Variants in INAVA observed in about 807,000 individuals in gnomAD.
INAVA encodes the protein innate immunity activator, also known as innate immunity activator protein.
Under a neutral mutation model 55.3 loss-of-function variants are expected in INAVA, and 32 were observed. The observed-to-expected ratio is 0.58, with a 90% CI of 0.44 to 0.78. INAVA has a LOEUF of 0.78. Among genes scored for constraint, INAVA ranks in the 30% least tolerant of loss-of-function variants. The pLI is 0.00. For synonymous variants in INAVA, 294 were observed against 329.4 expected (o/e 0.89, Z 1.16); for missense variants, 756 against 786.4 (o/e 0.96, Z 0.46).
chr1:200,898,503 C>CCTGGGA, intron 2 of INAVA, 48 bp downstream of exon 2: 2 of 1,597,428 alleles, frequency 1.3e-6, no homozygotes, highest in Non-Finnish European at 8.5e-7. Flanking sequence ...GTCCCTGGTC[C>CCTGGGA]CTGGTCCCTG....
chr1:200,907,940 C>G, intron 6 of INAVA, 53 bp downstream of exon 6: 1 of 1,493,182 alleles, frequency 6.7e-7, no homozygotes, highest in Non-Finnish European at 9.3e-7. Context: ...TACTGCAAGA[C>G]CATGGGGTTT....
chr1:200,905,978 A>G (rs999744370), intron 5 of INAVA, among the ~76,000 whole-genome samples: 1 of 152,176 alleles, frequency 6.6e-6, no homozygotes, highest in African/African-American at 2.4e-5. Context: ...TGAATGTATA[A>G]CCTAAACCAC....
upstream of INAVA, chr1:200,891,693 A>C (rs1175089038): frequency 6.1e-6 from 9 of 1,476,772 alleles, no homozygotes; most frequent in Non-Finnish European, 7.2e-6. Context: ...CCAGAGCTCC[A>C]TGGGACAGGT....
At chr1:200,912,903 G>A (rs558559492) in intron 9 of INAVA, among the ~76,000 whole-genome samples, 1 of 152,280 alleles carries the variant, frequency 6.6e-6, no homozygotes, top group East Asian at 1.9e-4. Flanking sequence ...AGAGCACCCT[G>A]ACACTGGGTA....
chr1:200,908,492 G>A (rs1460225859), intron 6 of INAVA: 1 of 431,910 alleles, frequency 2.3e-6, no homozygotes. Flanking sequence ...GCCCAAGAGA[G>A]TCAATCTGGG....
At chr1:200,911,326 T>C (rs1653711116) in intron 8 of INAVA, 127 bp from the exon 9 acceptor site, 2 of 908,686 alleles carry the variant, frequency 2.2e-6, no homozygotes, top group Non-Finnish European at 3.5e-6. Flanking sequence ...CTAAGACCCT[T>C]GCACGAGGGC....
chr1:200,912,820 G>A lies in INAVA; in HGVS notation c.1644+683G>A, dbSNP rs376544594. On this transcript the variant is annotated intron_variant, in intron 9 of 9. Coordinates refer to ENST00000413687, the MANE Select transcript of INAVA (RefSeq NM_001142569.3). ...ATGATTAGAGCAATGCATGGTAAGC[G>A]CTAGATATGTGATATTATTATCATC... 3.9e-5 allele frequency among the ~76,000 whole-genome samples: 6 copies of A among 152,130 alleles called. No individual in the cohort carries two copies. In the East Asian group the frequency reaches 1.2e-3, roughly 29 times the overall value.
upstream of INAVA, among the ~76,000 whole-genome samples, chr1:200,893,554 C>T (rs1173692762): frequency 6.6e-6 from 1 of 152,172 alleles, no homozygotes. Flanking sequence ...AAGGGCAGGG[C>T]TGCAGGCTCT....
At chr1:200,895,345 G>GTCCAA (rs1485621922) in intron 1 of INAVA, among the ~76,000 whole-genome samples, 1 of 152,004 alleles carries the variant, frequency 6.6e-6, no homozygotes, top group Non-Finnish European at 1.5e-5. Flanking sequence ...TGGCTTTGGG[G>GTCCAA]GACACACTTG....
intron 6 of INAVA, chr1:200,908,501 G>A: frequency 2.3e-6 from 1 of 440,482 alleles, no homozygotes; most frequent in Middle Eastern, 6.0e-4. Context: ...AGTCAATCTG[G>A]GAGGCTTCTT....
intron 1 of INAVA, among the ~76,000 whole-genome samples, chr1:200,895,347 A>T (rs1370832605): frequency 6.6e-6 from 1 of 151,702 alleles, no homozygotes; most frequent in Admixed American, 6.6e-5. Context: ...GCTTTGGGGG[A>T]CACACTTGGG....
At chr1:200,894,849 G>T (rs1372966297), upstream of INAVA, 3 of 985,442 alleles carry the variant, frequency 3.0e-6, no homozygotes, top group Non-Finnish European at 3.6e-6. Context: ...TTGCTCACCT[G>T]CTCCTCCCCT....
rs1351833095 is a variant in INAVA, at chr1:200,911,988, G to T, written c.1495G>T (p.Ala499Ser). Residue 499 changes from alanine (A) to serine (S), a missense_variant, in exon 9 of 10, where the codon GCC (alanine) becomes TCC (serine). Physicochemically the swap from Ala to Ser is moderately conservative, Grantham distance 99. Transcript: ENST00000413687. Reference sequence around the variant, plus strand: ...GGCAGGCCGGGGGCTCAGCAAGGCCGCCGTGTCCGAGGAGCTCAAGTGGTG... The same window carrying T: ...GGCAGGCCGGGGGCTCAGCAAGGCCTCCGTGTCCGAGGAGCTCAAGTGGTG... ...SPAGRGLSKA[A>S]VSEELKWWHE... 3 of 1,530,032 alleles carry T rather than the reference G, an allele frequency of 2.0e-6. No homozygotes were observed. The highest frequency in any genetic ancestry group is 2.0e-5 in the Admixed American group (1 of 49,960). The allele number at this position is 1,530,032 out of a possible 1,614,324, so 94.8% of individuals were successfully genotyped here. A position where few individuals can be genotyped will look rare whatever the true frequency, so the allele number is the denominator to read the frequency against.
At chr1:200,908,969 A>G in intron 7 of INAVA, 29 bp downstream of exon 7, 1 of 1,594,436 alleles carries the variant, frequency 6.3e-7, no homozygotes, top group South Asian at 1.1e-5. Flanking sequence ...GGAGAAGGGC[A>G]GGGCAGGGCA....
chr1:200,891,928 G>A (rs1329088810), upstream of INAVA, among the ~76,000 whole-genome samples: 5 of 152,074 alleles, frequency 3.3e-5, no homozygotes, highest in African/African-American at 1.2e-4. Flanking sequence ...CCAGGTTCCG[G>A]GAAGCCAGAA....
chr1:200,911,834 T>A lies in INAVA; in HGVS notation c.1341T>A (p.Pro447=). 1.0e-5 allele frequency: 16 copies of A among 1,602,130 alleles called. No homozygotes were observed. Among genetic ancestry groups the A allele is most frequent in the Non-Finnish European group, 1.4e-5 (16 of 1,177,476 alleles). The part of the protein sequence containing the change: ...YVVVAESPLP[P]GEWELRRAAP... ...TGGTGGCTGAGAGCCCCCTGCCGCC[T>A]GGCGAGTGGGAGCTGCGCCGCGCAG... The change falls in exon 9 of 10, where the codon CCT becomes CCA. Residue 447 remains proline, a synonymous_variant. Transcript: ENST00000413687.
chr1:200,901,494 C>A (rs1025062947), intron 5 of INAVA, among the ~76,000 whole-genome samples: 3 of 152,236 alleles, frequency 2.0e-5, no homozygotes, highest in Admixed American at 6.5e-5. Flanking sequence ...CCAGGCTGGC[C>A]CCGCTGCCCT....
chr1:200,901,747 G>A (rs1346079300), intron 5 of INAVA, among the ~76,000 whole-genome samples: 1 of 152,192 alleles, frequency 6.6e-6, no homozygotes, highest in East Asian at 1.9e-4. Context: ...CAACCACCCT[G>A]GTCAAGGGTG....
chr1:200,913,467 C>A, intron 9 of INAVA, 70 bp from the exon 10 acceptor site: 2 of 1,194,232 alleles, frequency 1.7e-6, no homozygotes, highest in Non-Finnish European at 2.5e-6. Context: ...GATGGTGTAA[C>A]TGTGCCTGCT....
Sources: gnomAD v4.1 joint callset for allele counts (sites outside exome capture counted in the v4.1 genomes callset) on GRCh38, gnomAD v4.1.1 for gene constraint, MANE v1.5 for transcripts, NCBI Gene and HGNC (gene_info 2026-07-23, HGNC 2026-07-21) for gene names.